The following ERI3 variants were observed in gnomAD, a reference collection of about 807,000 sequenced individuals.
ERI3 encodes ERI1 exoribonuclease 3.
ERI3 carries 18 observed loss-of-function variants against 44.4 expected under a neutral mutation model. That is an observed-to-expected ratio of 0.41 (90% CI 0.28 to 0.60). The LOEUF is 0.60. Ranked by LOEUF, ERI3 falls within the 20% of genes least tolerant of loss-of-function variation. The probability of loss-of-function intolerance (pLI) is 0.36; values close to 1 mark genes in which losing one functional copy is unlikely to be tolerated. For synonymous variants in ERI3, 183 were observed against 164.8 expected (o/e 1.11, Z -0.84); for missense variants, 294 against 435.5 (o/e 0.68, Z 2.89).
intron 8 of ERI3, chr1:44,230,422 C>G (rs1644153062): frequency 6.6e-6 from 1 of 152,274 alleles, no homozygotes; most frequent in African/African-American, 2.4e-5. Flanking sequence ...CTACTGAGAA[C>G]AGCTGAGCAG....
rs758103619 is a variant in ERI3, at chr1:44,247,979, G to A, written c.891C>T (p.Gly297=). The A allele has an allele frequency of 2.5e-6, 4 of 1,612,664 alleles. No individual in the cohort carries two copies. Among genetic ancestry groups the A allele is most frequent in the Non-Finnish European group, 3.4e-6 (4 of 1,179,474 alleles). ...PKNGLLDMNK[G]LSLQHIGRPH... The stretch of plus-strand genomic sequence containing the variant: ...GCCGGCCTATGTGTTGCAGGCTGAG[G>A]CCCTTGTTCATGTCTAGAAGTCCAT... The change falls in exon 8 of 9, where the codon GGC becomes GGT. Residue 297 remains glycine, a synonymous_variant. Transcript: ENST00000372257.
At chr1:44,339,928 C>A (rs997327395) in intron 2 of ERI3, among the ~76,000 whole-genome samples, 1 of 152,196 alleles carries the variant, frequency 6.6e-6, no homozygotes, top group Non-Finnish European at 1.5e-5. Flanking sequence ...GATCCCCCAA[C>A]CCCCACACTA....
intron 5 of ERI3, among the ~76,000 whole-genome samples, chr1:44,310,282 G>A (rs998345427): frequency 5.3e-5 from 8 of 152,212 alleles, no homozygotes; most frequent in Non-Finnish European, 7.3e-5. Context: ...GCCTGACATG[G>A]TGGAACATAG....
intron 1 of ERI3, 39 bp downstream of exon 1, chr1:44,354,853 C>A: frequency 7.6e-7 from 1 of 1,314,520 alleles, no homozygotes; most frequent in Non-Finnish European, 9.8e-7. Flanking sequence ...ATGCATTAAC[C>A]AGGGCCCAAT....
In ERI3 at chr1:44,319,643, G is replaced by A; in HGVS notation, c.591C>T (p.Thr197=). ...GGGCCCTTACCTCTGTACAGAATGG[G>A]GTAAGCTGTGGATGGACTACAGGCT... is the stretch of plus-strand genomic sequence containing the variant. ...YVQPVVHPQL[T]PFCTELTGII... is the part of the protein sequence containing the mutation. The change falls in exon 4 of 9, where the codon ACC becomes ACT. Residue 197 remains threonine (T), a synonymous_variant. Transcript: ENST00000372257. The A allele has an allele frequency of 1.9e-6, 3 of 1,613,356 alleles. No individual in the cohort carries two copies. Among genetic ancestry groups the A allele is most frequent in the Non-Finnish European group, 2.5e-6 (3 of 1,179,298 alleles).
chr1:44,249,477 T>C (rs1216585723), intron 7 of ERI3, among the ~76,000 whole-genome samples: 3 of 152,186 alleles, frequency 2.0e-5, no homozygotes, highest in Non-Finnish European at 2.9e-5. Context: ...CCACCCTTCC[T>C]TTCCAGCTGC....
chr1:44,282,653 A>T (rs1291857974), intron 7 of ERI3, among the ~76,000 whole-genome samples: 1 of 152,198 alleles, frequency 6.6e-6, no homozygotes. Flanking sequence ...ACTGAGCTAA[A>T]GTCCAGAGTT....
chr1:44,228,928 A>T lies in ERI3; in HGVS notation c.932-7288T>A, dbSNP rs1412696503. 6.6e-6 allele frequency among the ~76,000 whole-genome samples: 1 copy of T among 152,258 alleles called. No homozygotes were observed. Among genetic ancestry groups the T allele is most frequent in the African/African-American group, 2.4e-5 (1 of 41,476 alleles). Reference sequence around the variant, plus strand: ...CTCCCAGGCCTGGCAGGACATGTCAACGTCATTCAAACCCCAATACAGAAT... The same window carrying T: ...CTCCCAGGCCTGGCAGGACATGTCATCGTCATTCAAACCCCAATACAGAAT... On this transcript the variant is annotated intron_variant, in intron 8 of 8. Coordinates refer to ENST00000372257, the MANE Select transcript of ERI3 (RefSeq NM_024066.3). The surrounding 1 kb of genome is among the most constrained non-coding windows in gnomAD (Gnocchi z 4.3).
At chr1:44,281,601 A>AAAAT (rs1460400186) in intron 7 of ERI3, among the ~76,000 whole-genome samples, 44 of 128,020 alleles carry the variant, frequency 3.4e-4, no homozygotes, top group African/African-American at 1.3e-3. Flanking sequence ...AAAAAAAAAA[A>AAAAT]ATATATATAT....
chr1:44,301,359 A>C (rs1645722381), intron 6 of ERI3, among the ~76,000 whole-genome samples: 1 of 152,086 alleles, frequency 6.6e-6, no homozygotes, highest in Non-Finnish European at 1.5e-5. Flanking sequence ...CCATCAAGAG[A>C]CTTTTTATGG....
At chr1:44,240,624 AC>A (rs1644412731) in intron 8 of ERI3, among the ~76,000 whole-genome samples, 1 of 152,160 alleles carries the variant, frequency 6.6e-6, no homozygotes, top group African/African-American at 2.4e-5. Flanking sequence ...AGCCCTTATC[AC>A]GGGGTTTGAG....
intron 6 of ERI3, among the ~76,000 whole-genome samples, chr1:44,290,404 G>A (rs1288128548): frequency 6.6e-6 from 1 of 152,162 alleles, no homozygotes; most frequent in Non-Finnish European, 1.5e-5. Flanking sequence ...GTGAGGGGTG[G>A]GTGGGCTTGC....
chr1:44,313,286 T>C, intron 4 of ERI3, 58 bp from the exon 5 acceptor site: 1 of 1,499,792 alleles, frequency 6.7e-7, no homozygotes. Flanking sequence ...GACTCAAGGC[T>C]GAACAGGACC....
chr1:44,282,963 A>G (rs1645319595), intron 7 of ERI3, among the ~76,000 whole-genome samples: 1 of 152,210 alleles, frequency 6.6e-6, no homozygotes, highest in African/African-American at 2.4e-5. Flanking sequence ...ACGTTACCAC[A>G]TGGGTCGGCT....
chr1:44,350,474 C>G (rs998572692), intron 2 of ERI3, among the ~76,000 whole-genome samples: 14 of 152,116 alleles, frequency 9.2e-5, no homozygotes, highest in African/African-American at 3.4e-4. Context: ...GTTGGCCAGG[C>G]TGGTCTCAAA....
chr1:44,292,672 C>A (rs533398188), intron 6 of ERI3, among the ~76,000 whole-genome samples: 6 of 152,350 alleles, frequency 3.9e-5, no homozygotes, highest in African/African-American at 1.4e-4. Context: ...TCCCTCCATT[C>A]TCCTCTGCCT....
chr1:44,284,297 T>C (rs997600671), intron 7 of ERI3, among the ~76,000 whole-genome samples: 1 of 152,128 alleles, frequency 6.6e-6, no homozygotes, highest in Non-Finnish European at 1.5e-5. Context: ...TCTGCCCTCA[T>C]GCCCAAAGGG....
In ERI3 at chr1:44,241,090, G is replaced by C. The variant is rs1644423034; in HGVS notation, c.931+6849C>G. Among the ~76,000 whole-genome samples, 1 of 152,142 alleles carries C rather than the reference G, an allele frequency of 6.6e-6. No individual in the cohort carries two copies. Among genetic ancestry groups the C allele is most frequent in the Non-Finnish European group, 1.5e-5 (1 of 68,010 alleles). ...TGTGAATGCCACTGGAGTGAAGGCTGTCTGTGCCACTCTAGGGATTGATTC... is the reference window on the plus strand; with the variant it reads ...TGTGAATGCCACTGGAGTGAAGGCTCTCTGTGCCACTCTAGGGATTGATTC... On this transcript the variant is annotated intron_variant, in intron 8 of 8. Coordinates refer to ENST00000372257, the MANE Select transcript of ERI3 (RefSeq NM_024066.3). This position sits in a 1 kb window ranked among gnomAD's most constrained non-coding sequence, Gnocchi z 5.6.
chr1:44,342,828 T>TATATATATATATATAA (rs1646690414), intron 2 of ERI3, among the ~76,000 whole-genome samples: 1 of 18,768 alleles, frequency 5.3e-5, no homozygotes, highest in African/African-American at 2.3e-4. Context: ...TATATATATA[T>TATATATATATATATAA]ATATATATAT....
Sources: gnomAD v4.1 joint callset for allele counts (sites outside exome capture counted in the v4.1 genomes callset) on GRCh38, gnomAD v4.1.1 for gene constraint, Gnocchi (gnomAD v3.1) non-coding constraint, MANE v1.5 for transcripts, NCBI Gene and HGNC (gene_info 2026-07-23, HGNC 2026-07-21) for gene names.